Variants in ACSS2 observed in about 807,000 individuals in gnomAD.
ACSS2 encodes acyl-CoA synthetase short chain family member 2.
ACSS2 carries 58 observed loss-of-function variants against 90.6 expected under a neutral mutation model. The ratio of observed to expected loss-of-function variants is 0.64; its 90% CI spans 0.52 to 0.80. The LOEUF is 0.80. Ranked by LOEUF, ACSS2 falls within the 30% of genes least tolerant of loss-of-function variation. The pLI is 0.00. For synonymous variants in ACSS2, 300 were observed against 330.9 expected, an observed-to-expected ratio of 0.91 and a Z score of 1.01; for missense variants, 759 against 912.0, an observed-to-expected ratio of 0.83 and a Z score of 2.16.
intron 7 of ACSS2, among the ~76,000 whole-genome samples, chr20:34,915,560 G>C (rs1601359639): frequency 6.6e-6 from 1 of 152,172 alleles, no homozygotes; most frequent in Non-Finnish European, 1.5e-5. Flanking sequence ...TACTGTGCAG[G>C]TAGCTGGAGC....
At chr20:34,879,484 C>T (rs987729192) in intron 1 of ACSS2, among the ~76,000 whole-genome samples, 41 of 146,112 alleles carry the variant, frequency 2.8e-4, no homozygotes, top group African/African-American at 1.0e-3. Context: ...CTATGCCACT[C>T]ATCCAGATTC....
Position 34,881,266 on chromosome 20 carries a change from A to G in ACSS2, c.179-1528A>G, listed in dbSNP as rs558797064. ...TGGTCAGGCTGGTCTCGAACTCCTG[A>G]TTTCAGGTGATCCGCCCGCCTTGGC... On this transcript the variant is annotated intron_variant, in intron 1 of 17. Transcript: ENST00000360596. Among the ~76,000 whole-genome samples, 217 of 149,456 alleles carry G rather than the reference A, an allele frequency of 1.5e-3. 1 individual carries two copies. Among genetic ancestry groups the G allele is most frequent in the African/African-American group, 5.1e-3 (207 of 40,466 alleles).
intron 2 of ACSS2, among the ~76,000 whole-genome samples, chr20:34,908,418 C>T (rs1448170469): frequency 6.6e-6 from 1 of 152,150 alleles, no homozygotes; most frequent in Non-Finnish European, 1.5e-5. Context: ...ACTTGATGCT[C>T]CTTTTCCCCA....
chr20:34,900,337 ATTT>A (rs35829893), intron 2 of ACSS2, among the ~76,000 whole-genome samples: 8 of 142,008 alleles, frequency 5.6e-5, no homozygotes, highest in Admixed American at 1.4e-4. Context: ...GCCCGGCTAA[ATTT>A]TTTTTTTTTT....
At position 34,882,774 on chromosome 20, in the gene ACSS2, G is replaced by T. The variant is rs371597129; in HGVS notation, c.179-20G>T. On this transcript the variant is annotated intron_variant, in intron 1 of 17. Transcript: ENST00000360596. ...TGTCTCAGAAGATTAATGATATCTG[G>T]GCTTCCATTTCTGTTGCAGAATTCT... The T allele has an allele frequency of 5.8e-5, 93 of 1,609,508 alleles. No individual in the cohort carries two copies. Among genetic ancestry groups the T allele is most frequent in the Non-Finnish European group, 6.7e-5 (79 of 1,177,570 alleles).
intron 2 of ACSS2, among the ~76,000 whole-genome samples, chr20:34,907,021 G>A (rs1221390488): frequency 1.3e-5 from 2 of 150,336 alleles, no homozygotes; most frequent in Admixed American, 1.3e-4. Context: ...TGCTATCATG[G>A]AGCTTATATT....
intron 2 of ACSS2, among the ~76,000 whole-genome samples, chr20:34,889,209 G>T (rs77970233): frequency 6.6e-6 from 1 of 151,962 alleles, no homozygotes; most frequent in Non-Finnish European, 1.5e-5. Flanking sequence ...TGCAAGCTCT[G>T]CCTCCTGGGT....
At chr20:34,876,506 C>A, upstream of ACSS2, 1 of 1,055,584 alleles carries the variant, frequency 9.5e-7, no homozygotes. Flanking sequence ...CTGGCACCGC[C>A]CACCCGCCAG....
chr20:34,921,867 G>T lies in ACSS2; in HGVS notation c.1548+1G>T, dbSNP rs758523436. On this transcript the variant is annotated splice_donor_variant, in intron 13 of 17. Transcript: ENST00000360596. LOFTEE classifies it high-confidence loss of function. Reference sequence around the variant, plus strand: ...GGAAGGTGAAGCTGAAGGTTATCTGGTGAGGCCCTGGCCCTTGGGAGTCTT... The same window carrying T: ...GGAAGGTGAAGCTGAAGGTTATCTGTTGAGGCCCTGGCCCTTGGGAGTCTT... The T allele has an allele frequency of 1.2e-6, 2 of 1,613,284 alleles. No homozygotes were observed. The highest frequency in any genetic ancestry group is 1.7e-6 in the Non-Finnish European group (2 of 1,179,662).
chr20:34,895,058 G>A (rs1376777887), intron 2 of ACSS2, among the ~76,000 whole-genome samples: 1 of 152,104 alleles, frequency 6.6e-6, no homozygotes, highest in East Asian at 1.9e-4. Flanking sequence ...GAGGGACAAA[G>A]TACCATTGAA....
At chr20:34,899,067 G>A (rs927697861) in intron 2 of ACSS2, among the ~76,000 whole-genome samples, 2 of 152,188 alleles carry the variant, frequency 1.3e-5, no homozygotes, top group East Asian at 1.9e-4. Flanking sequence ...CTCATTGCCT[G>A]GGGCCGGCAG....
intron 7 of ACSS2, among the ~76,000 whole-genome samples, chr20:34,916,013 T>C (rs1464194951): frequency 6.6e-6 from 1 of 152,180 alleles, no homozygotes; most frequent in East Asian, 1.9e-4. Flanking sequence ...AAACAACACA[T>C]AAAGCTCACT....
chr20:34,887,954 C>T (rs556596355), intron 2 of ACSS2, among the ~76,000 whole-genome samples: 4 of 149,648 alleles, frequency 2.7e-5, no homozygotes, highest in African/African-American at 7.4e-5. Flanking sequence ...CCTGTAATCC[C>T]AGCTACTTGG....
chr20:34,919,681 A>G lies in ACSS2; in HGVS notation c.972+109A>G, dbSNP rs2081154661. On this transcript the variant is annotated intron_variant, in intron 8 of 17. Coordinates refer to ENST00000360596, the MANE Select transcript of ACSS2 (RefSeq NM_018677.4). ...CAAGTAATGAAATTATTTTTTTCCT[A>G]CAACCCTGAGTTTTGGAAATGTAGC... is the stretch of plus-strand genomic sequence containing the variant. The G allele has an allele frequency of 2.1e-6, 3 of 1,435,030 alleles. No individual in the cohort carries two copies. The East Asian group carries it at 7.5e-5, about 36-fold the overall frequency. 88.9% of individuals were successfully genotyped at this position (1,435,030 alleles called of 1,614,324 possible). A position where few individuals can be genotyped will look rare whatever the true frequency, so the allele number is the denominator to read the frequency against.
rs34578238 is a variant in ACSS2 at position 34,888,067 on chromosome 20, C to CAAAAAAAAAAAAAAAAA, written c.374+5084_374+5100dup. 3.2e-5 allele frequency among the ~76,000 whole-genome samples: 2 copies of CAAAAAAAAAAAAAAAAA among 62,518 alleles called. 1 individual carries two copies. Among genetic ancestry groups the CAAAAAAAAAAAAAAAAA allele is most frequent in the African/African-American group, 1.3e-4 (2 of 15,440 alleles). 41.0% of individuals were successfully genotyped at this position (62,518 alleles called of 152,430 possible). A position where few individuals can be genotyped will look rare whatever the true frequency, so the allele number is the denominator to read the frequency against. On this transcript the variant is annotated intron_variant, in intron 2 of 17. Coordinates refer to ENST00000360596, the MANE Select transcript of ACSS2 (RefSeq NM_018677.4). ...CCTGGGCAACAGAGCAAGACTCCATCAAAAAAAAAAAAAAAAAAAAAAGCC... is the reference window on the plus strand; with the variant it reads ...CCTGGGCAACAGAGCAAGACTCCATCAAAAAAAAAAAAAAAAAAAAAAAAAAAAAAAAAAAAAAAGCC...
At chr20:34,903,375 G>T (rs1165207591) in intron 2 of ACSS2, among the ~76,000 whole-genome samples, 1 of 151,862 alleles carries the variant, frequency 6.6e-6, no homozygotes, top group Non-Finnish European at 1.5e-5. Flanking sequence ...GATCATGCTG[G>T]GTGATGTGTG....
intron 2 of ACSS2, among the ~76,000 whole-genome samples, chr20:34,889,410 C>CCA (rs200854112): frequency 9.8e-6 from 1 of 101,922 alleles, no homozygotes; most frequent in Admixed American, 8.5e-5. Context: ...GCGTGTGCCA[C>CCA]TGCGCCTGGC....
At chr20:34,923,240 TC>T (rs2081240622) in intron 13 of ACSS2, 82 bp from the exon 14 acceptor site, 2 of 1,025,738 alleles carry the variant, frequency 1.9e-6, no homozygotes, top group African/African-American at 1.6e-5. Context: ...CAGGACACTT[TC>T]CCCCACATTT....
At chr20:34,883,510 C>T (rs1381559383) in intron 2 of ACSS2, among the ~76,000 whole-genome samples, 1 of 152,176 alleles carries the variant, frequency 6.6e-6, no homozygotes, top group Non-Finnish European at 1.5e-5. Flanking sequence ...AAACAACTAG[C>T]TAGAAGCAAG....
Sources: allele counts gnomAD v4.1 joint callset (sites outside exome capture counted in the v4.1 genomes callset), GRCh38; gene constraint gnomAD v4.1.1; transcripts MANE v1.5; gene names NCBI Gene and HGNC (gene_info 2026-07-23, HGNC 2026-07-21).